Variants in GPC5 observed in about 807,000 individuals in gnomAD.
GPC5 encodes glypican-5.
GPC5 carries 47 observed loss-of-function variants against 53.9 expected under a neutral mutation model. The ratio of observed to expected loss-of-function variants is 0.87; its 90% CI spans 0.69 to 1.11. GPC5 has a LOEUF of 1.11. Among genes scored for constraint, GPC5 ranks in the 50% most tolerant of loss-of-function variants. The pLI is 0.00. For missense variants in GPC5, 748 were observed against 713.1 expected, an observed-to-expected ratio of 1.05 and a Z score of -0.56; for synonymous variants, 286 against 263.3, an observed-to-expected ratio of 1.09 and a Z score of -0.84.
At chr13:91,983,788 G>T (rs1000594786) in intron 6 of GPC5, among the ~76,000 whole-genome samples, 27 of 152,110 alleles carry the variant, frequency 1.8e-4, no homozygotes, top group Non-Finnish European at 1.9e-4. Context: ...TGATCTGAGG[G>T]GCTGCCATTT....
chr13:91,614,524 A>T (rs1284114920), intron 2 of GPC5, among the ~76,000 whole-genome samples: 1 of 152,014 alleles, frequency 6.6e-6, no homozygotes, highest in Non-Finnish European at 1.5e-5. Context: ...TAGAGACAGG[A>T]TCTCCCTATA....
At chr13:91,578,709 T>G (rs183931091) in intron 2 of GPC5, among the ~76,000 whole-genome samples, 121 of 152,204 alleles carry the variant, frequency 7.9e-4, no homozygotes, top group African/African-American at 2.8e-3. Context: ...TAATGCTTGA[T>G]ATCCACTTTT....
chr13:92,795,554 C>G (rs1270874379), intron 7 of GPC5, among the ~76,000 whole-genome samples: 1 of 151,986 alleles, frequency 6.6e-6, no homozygotes, highest in African/African-American at 2.4e-5. Context: ...TAAAGAATTT[C>G]TGCACGGCAA....
chr13:92,092,410 T>C (rs1423528254), intron 6 of GPC5, among the ~76,000 whole-genome samples: 1 of 152,188 alleles, frequency 6.6e-6, no homozygotes, highest in African/African-American at 2.4e-5. Flanking sequence ...TATTATGTTC[T>C]GTATGGGCAA....
At chr13:92,276,834 T>A (rs1022889064) in intron 7 of GPC5, among the ~76,000 whole-genome samples, 1 of 152,090 alleles carries the variant, frequency 6.6e-6, no homozygotes, top group Admixed American at 6.6e-5. Flanking sequence ...CTCAGTGGAA[T>A]TGAAAGCATT....
intron 7 of GPC5, among the ~76,000 whole-genome samples, chr13:92,423,120 C>T (rs1280037510): frequency 6.6e-6 from 1 of 152,100 alleles, no homozygotes. Context: ...GGACTAAGGG[C>T]TCTCTAAGGT....
intron 7 of GPC5, among the ~76,000 whole-genome samples, chr13:92,496,673 A>G (rs1440236514): frequency 6.6e-6 from 1 of 152,152 alleles, no homozygotes; most frequent in Non-Finnish European, 1.5e-5. Context: ...CCGCCAGCAC[A>G]AAGCTTACTA....
chr13:91,549,156 C>G (rs758071504), intron 2 of GPC5, among the ~76,000 whole-genome samples: 1 of 151,886 alleles, frequency 6.6e-6, no homozygotes, highest in Non-Finnish European at 1.5e-5. Flanking sequence ...GTAATCCCAA[C>G]TACTCGTGAG....
chr13:92,585,338 A>G (rs1247353071), intron 7 of GPC5, among the ~76,000 whole-genome samples: 1 of 152,204 alleles, frequency 6.6e-6, no homozygotes, highest in Admixed American at 6.5e-5. Flanking sequence ...CATGGAGTCA[A>G]AGGAGATCAT....
intron 1 of GPC5, among the ~76,000 whole-genome samples, chr13:91,399,820 A>G (rs1036066820): frequency 1.9e-4 from 29 of 152,134 alleles, no homozygotes; most frequent in African/African-American, 6.8e-4. Flanking sequence ...TGTGTCTCCC[A>G]GCACCAAGGT....
At chr13:92,332,219 G>T (rs1401395227) in intron 7 of GPC5, among the ~76,000 whole-genome samples, 2 of 152,026 alleles carry the variant, frequency 1.3e-5, no homozygotes, top group Non-Finnish European at 2.9e-5. Flanking sequence ...AACTTCCTAG[G>T]TTAGGCAGGA....
chr13:91,693,563 A>G lies in GPC5; in HGVS notation c.702A>G (p.Glu234=). The G allele has an allele frequency of 6.2e-7, 1 of 1,614,054 alleles. No homozygotes were observed. The highest frequency in any genetic ancestry group is 2.2e-5 in the East Asian group (1 of 44,826). ...TFLQALNLGI[E]VINTTDYLHF... The stretch of plus-strand genomic sequence containing the variant: ...TGCAGGCACTCAATCTGGGCATTGA[A>G]GTCATCAACACCACAGACTATCTGC... Residue 234 remains glutamate (E), a synonymous_variant, in exon 3 of 8, where the codon GAA becomes GAG. Transcript: ENST00000377067.
chr13:92,763,928 T>C (rs982051190), intron 7 of GPC5, among the ~76,000 whole-genome samples: 2 of 152,038 alleles, frequency 1.3e-5, no homozygotes, highest in Non-Finnish European at 2.9e-5. Flanking sequence ...CACTCCGTAG[T>C]AGTGACTCTG....
chr13:92,812,741 A>G (rs923814409), intron 7 of GPC5, among the ~76,000 whole-genome samples: 1 of 152,046 alleles, frequency 6.6e-6, no homozygotes, highest in African/African-American at 2.4e-5. Context: ...TACTAAAGCT[A>G]AAAAATGAAT....
At chr13:92,405,255 A>C (rs1462461445) in intron 7 of GPC5, among the ~76,000 whole-genome samples, 1 of 152,142 alleles carries the variant, frequency 6.6e-6, no homozygotes, top group Non-Finnish European at 1.5e-5. Flanking sequence ...CACTCCGTGC[A>C]CTCGCTACGA....
At chr13:91,988,801 T>G (rs867466053) in intron 6 of GPC5, among the ~76,000 whole-genome samples, 1 of 149,748 alleles carries the variant, frequency 6.7e-6, no homozygotes, top group South Asian at 2.1e-4. Context: ...AATACTCTAA[T>G]GATACTGAAA....
intron 2 of GPC5, among the ~76,000 whole-genome samples, chr13:91,612,134 G>A (rs1333356479): frequency 1.3e-5 from 2 of 152,212 alleles, no homozygotes; most frequent in Admixed American, 6.5e-5. Flanking sequence ...ATGAGACTGA[G>A]GAATACTAAA....
In GPC5 at chr13:91,933,367, A is replaced by G. The variant is rs73628742; in HGVS notation, c.1401+25310A>G. Among the ~76,000 whole-genome samples, 369 of 152,072 alleles carry G rather than the reference A, an allele frequency of 2.4e-3. 2 individuals are homozygous for G. The highest frequency in any genetic ancestry group is 8.5e-3 in the African/African-American group (355 of 41,524). On this transcript the variant is annotated intron_variant, in intron 6 of 7. Coordinates refer to ENST00000377067, the MANE Select transcript of GPC5 (RefSeq NM_004466.6). ...AACCCAAATCATGTATCATGAATAC[A>G]TATTTTTTCTCTACTGAGATTTTCC...
At chr13:92,251,859 G>A (rs1305476791) in intron 7 of GPC5, among the ~76,000 whole-genome samples, 3 of 152,062 alleles carry the variant, frequency 2.0e-5, no homozygotes, top group South Asian at 4.1e-4. Flanking sequence ...TTTAAATCAC[G>A]TGTGATCCAG....
Sources: gnomAD v4.1 joint callset for allele counts (sites outside exome capture counted in the v4.1 genomes callset) on GRCh38, gnomAD v4.1.1 for gene constraint, MANE v1.5 for transcripts, NCBI Gene and HGNC (gene_info 2026-07-23, HGNC 2026-07-21) for gene names.